MEF2C: variants seen among roughly 807,000 people sequenced by gnomAD.
MEF2C encodes myocyte enhancer factor 2C, also known as myocyte-specific enhancer factor 2C.
Under a neutral mutation model 50.5 loss-of-function variants are expected in MEF2C, and 6 were observed. The ratio of observed to expected loss-of-function variants is 0.12; its 90% CI spans 0.07 to 0.23. The LOEUF is 0.23. MEF2C is among the 10% of genes least tolerant of loss of function. The pLI is 1.00. For synonymous variants in MEF2C, 183 were observed against 228.0 expected, an observed-to-expected ratio of 0.80 and a Z score of 1.78; for missense variants, 276 against 605.0, an observed-to-expected ratio of 0.46 and a Z score of 5.70.
intron 1 of MEF2C, among the ~76,000 whole-genome samples, chr5:88,854,420 C>T (rs1488339497): frequency 6.6e-6 from 1 of 152,076 alleles, no homozygotes; most frequent in African/African-American, 2.4e-5. Flanking sequence ...TGGAAAGATA[C>T]TTTAAAAATT....
intron 3 of MEF2C, among the ~76,000 whole-genome samples, chr5:88,795,322 G>C (rs946773829): frequency 2.0e-5 from 3 of 151,882 alleles, no homozygotes; most frequent in Admixed American, 6.6e-5. Flanking sequence ...TATTTCTTTG[G>C]GCAGTGGTGT....
At chr5:88,749,640 G>A (rs1318253913) in intron 5 of MEF2C, 1 of 311,098 alleles carries the variant, frequency 3.2e-6, no homozygotes, top group Non-Finnish European at 4.7e-6. Flanking sequence ...AGAAACATAT[G>A]CTTATTCATT....
At position 88,851,854 on chromosome 5, in the gene MEF2C, G is replaced by A. The variant is rs1821484433; in HGVS notation, c.-142-27924C>T. On this transcript the variant is annotated intron_variant, in intron 1 of 10. Transcript: ENST00000504921. Reference sequence around the variant, plus strand: ...TTTTCAGCATCTCAAAGAGATTAAAGTATTCTAATTGTACTAAAATGTACC... The same window carrying A: ...TTTTCAGCATCTCAAAGAGATTAAAATATTCTAATTGTACTAAAATGTACC... Among the ~76,000 whole-genome samples the A allele has an allele frequency of 2.6e-5, 4 of 152,054 alleles. No individual in the cohort carries two copies. The South Asian group carries it at 8.3e-4, about 32-fold the overall frequency.
intron 4 of MEF2C, chr5:88,760,861 G>A (rs1055971596): frequency 4.0e-5 from 41 of 1,031,394 alleles, no homozygotes; most frequent in Middle Eastern, 6.5e-4. Flanking sequence ...TGAGCTGCCC[G>A]TGGGATGAGA....
chr5:88,761,885 A>G (rs1778026324), intron 3 of MEF2C: 1 of 152,626 alleles, frequency 6.6e-6, no homozygotes, highest in Non-Finnish European at 1.5e-5. Context: ...ATCGGTGAAG[A>G]ATGCTCAGAC....
chr5:88,725,262 T>C (rs1758177848), intron 10 of MEF2C, among the ~76,000 whole-genome samples: 2 of 152,108 alleles, frequency 1.3e-5, no homozygotes, highest in Non-Finnish European at 2.9e-5. Context: ...GGAATTTCAT[T>C]TGACACTGAA....
chr5:88,740,233 C>T (rs1359099228), intron 6 of MEF2C: 8 of 965,312 alleles, frequency 8.3e-6, no homozygotes, highest in South Asian at 9.7e-5. Context: ...AGCGATTTTG[C>T]GTGTGTGTGT....
At chr5:88,777,466 G>A (rs2152832149) in intron 3 of MEF2C, among the ~76,000 whole-genome samples, 1 of 152,258 alleles carries the variant, frequency 6.6e-6, no homozygotes, top group East Asian at 1.9e-4. Flanking sequence ...CAAAGTTAGT[G>A]AGTGGTGGAA....
rs577613061 is a variant in MEF2C, at chr5:88,762,483, G to T, written c.259-1155C>A. On this transcript the variant is annotated intron_variant, in intron 3 of 10. Transcript: ENST00000504921. The stretch of plus-strand genomic sequence containing the variant: ...GGGTTTCTCCATGTTGGCCAGGTTG[G>T]TCTCAAATTCCTTGCCTCATGTGAT... Among the ~76,000 whole-genome samples the T allele has an allele frequency of 2.0e-4, 30 of 152,206 alleles. No homozygotes were observed. In the South Asian group the frequency reaches 5.2e-3, roughly 26 times the overall value.
chr5:88,771,353 C>G (rs1418257483), intron 3 of MEF2C: 44 of 737,744 alleles, frequency 6.0e-5, no homozygotes, highest in Non-Finnish European at 6.8e-5. Context: ...TCCTTATTTA[C>G]TCCTCCTCTC....
intron 1 of MEF2C, among the ~76,000 whole-genome samples, chr5:88,867,904 C>T (rs1251125888): frequency 6.6e-6 from 1 of 152,144 alleles, no homozygotes; most frequent in Admixed American, 6.5e-5. Context: ...CACTGCAGTC[C>T]AACCTATCAT....
intron 3 of MEF2C, among the ~76,000 whole-genome samples, chr5:88,779,760 G>GTTTTTTTTTTTTTTT (rs70996493): frequency 1.4e-5 from 2 of 147,158 alleles, no homozygotes. Flanking sequence ...GCAAAGTGAG[G>GTTTTTTTTTTTTTTT]TTTTTTTTTT....
chr5:88,827,487 T>C (rs983508796), intron 1 of MEF2C, among the ~76,000 whole-genome samples: 1 of 151,966 alleles, frequency 6.6e-6, no homozygotes, highest in Non-Finnish European at 1.5e-5. Flanking sequence ...GAGTGTGCTG[T>C]GCTGCACACC....
intron 7 of MEF2C, chr5:88,731,415 A>T: frequency 3.9e-6 from 1 of 259,502 alleles, no homozygotes; most frequent in South Asian, 4.8e-5. Context: ...GGACGTAGAG[A>T]TTGACCGATG....
chr5:88,788,126 C>T (rs1791874924), intron 3 of MEF2C, among the ~76,000 whole-genome samples: 1 of 152,192 alleles, frequency 6.6e-6, no homozygotes, highest in South Asian at 2.1e-4. Flanking sequence ...CTCCAGTTTA[C>T]ATATCCTTTA....
At chr5:88,794,254 C>A (rs1422050862) in intron 3 of MEF2C, among the ~76,000 whole-genome samples, 1 of 152,150 alleles carries the variant, frequency 6.6e-6, no homozygotes, top group Non-Finnish European at 1.5e-5. Flanking sequence ...AGTTTACAGT[C>A]CCACCAACAG....
intron 1 of MEF2C, among the ~76,000 whole-genome samples, chr5:88,857,226 C>T (rs996331963): frequency 9.2e-5 from 14 of 152,216 alleles, no homozygotes; most frequent in African/African-American, 1.9e-4. Flanking sequence ...TGCTTGGGGC[C>T]TGTAGCCCCT....
At chr5:88,743,738 T>C (rs2152438129) in intron 6 of MEF2C, 7 of 985,424 alleles carry the variant, frequency 7.1e-6, no homozygotes, top group Non-Finnish European at 8.4e-6. Flanking sequence ...TCCACGGCAG[T>C]ACACTGCCAC....
At chr5:88,734,503 T>C in intron 6 of MEF2C, 1 of 982,960 alleles carries the variant, frequency 1.0e-6, no homozygotes, top group South Asian at 4.7e-5. Flanking sequence ...TCCTGTGATA[T>C]GACAAGCACT....
Sources: gnomAD v4.1 joint callset for allele counts (sites outside exome capture counted in the v4.1 genomes callset) on GRCh38, gnomAD v4.1.1 for gene constraint, MANE v1.5 for transcripts, NCBI Gene and HGNC (gene_info 2026-07-23, HGNC 2026-07-21) for gene names.